Variants in ATP6V1B1 observed in about 807,000 individuals in gnomAD.
The protein encoded by ATP6V1B1 is V-type proton ATPase subunit B, kidney isoform.
Under a neutral mutation model 62.1 loss-of-function variants are expected in ATP6V1B1, and 41 were observed. The ratio of observed to expected loss-of-function variants is 0.66; its 90% CI spans 0.51 to 0.86. The LOEUF (loss-of-function observed/expected upper bound fraction) is 0.86. Among genes scored for constraint, ATP6V1B1 ranks in the 40% least tolerant of loss-of-function variants. The pLI is 0.00. For synonymous variants in ATP6V1B1, 253 were observed against 273.4 expected (o/e 0.93, Z 0.74); for missense variants, 651 against 697.5 (o/e 0.93, Z 0.75).
intron 2 of ATP6V1B1, among the ~76,000 whole-genome samples, chr2:70,954,263 A>G (rs1238776876): frequency 6.6e-6 from 1 of 152,196 alleles, no homozygotes; most frequent in African/African-American, 2.4e-5. Context: ...AATGCATCAC[A>G]CATATATTGA....
intron 1 of ATP6V1B1, 26 bp from the exon 2 acceptor site, chr2:70,943,632 C>T (rs782486064): frequency 1.9e-6 from 3 of 1,609,390 alleles, no homozygotes; most frequent in Non-Finnish European, 2.6e-6. Context: ...GGGTGAGACC[C>T]CTACTCACCC....
intron 2 of ATP6V1B1, among the ~76,000 whole-genome samples, chr2:70,945,293 G>A (rs369155012): frequency 1.8e-4 from 27 of 152,260 alleles, no homozygotes; most frequent in Non-Finnish European, 8.8e-5. Context: ...CACAGGTACC[G>A]TGGAAATGCT....
At chr2:70,956,076 A>C (rs1228012254) in intron 2 of ATP6V1B1, 1 of 210,328 alleles carries the variant, frequency 4.8e-6, no homozygotes, top group Non-Finnish European at 1.1e-5. Context: ...TTTTGTTCTC[A>C]GCAAACTGAT....
At chr2:70,944,851 C>T (rs6710208) in intron 2 of ATP6V1B1, among the ~76,000 whole-genome samples, 87,337 of 151,812 alleles carry the variant, frequency 0.58, 25,229 homozygotes, top group South Asian at 0.73. Context: ...TGTTTTTTAG[C>T]AGAGACGGGG....
In ATP6V1B1 at chr2:70,963,265, G is replaced by C. The variant is rs781939232; in HGVS notation, c.1013G>C (p.Arg338Pro). Residue 338 changes from arginine to proline, a missense_variant, in exon 10 of 14, where the codon CGG (arginine) becomes CCG (proline). Coordinates refer to ENST00000234396, the MANE Select transcript of ATP6V1B1 (RefSeq NM_001692.4). This position sits in a 1 kb window ranked among gnomAD's most constrained non-coding sequence, Gnocchi z 4.3. ...GAGCGGGCGGGCCGCGTGGAGGGTCGGGGAGGATCCATCACACAGATCCCC... is the reference window on the plus strand; with the variant it reads ...GAGCGGGCGGGCCGCGTGGAGGGTCCGGGAGGATCCATCACACAGATCCCC... ...IYERAGRVEGRGGSITQIPIL... is the reference protein window; with the variant it reads ...IYERAGRVEGPGGSITQIPIL... 3.1e-6 allele frequency: 5 copies of C among 1,613,616 alleles called. No individual in the cohort carries two copies. In the Admixed American group the frequency reaches 6.7e-5, roughly 22 times the overall value.
chr2:70,962,515 C>T (rs1411048195), intron 8 of ATP6V1B1, among the ~76,000 whole-genome samples: 1 of 152,206 alleles, frequency 6.6e-6, no homozygotes, highest in Non-Finnish European at 1.5e-5. Context: ...CCCTGCCTGG[C>T]TTTTCCCACC....
intron 2 of ATP6V1B1, 83 bp downstream of exon 2, chr2:70,943,796 T>C (rs1680073555): frequency 1.3e-6 from 2 of 1,561,682 alleles, no homozygotes; most frequent in Admixed American, 1.7e-5. Flanking sequence ...TCTTCTAAAT[T>C]ACCCTTTCCC....
chr2:70,943,615 G>T (rs782782094), intron 1 of ATP6V1B1, 43 bp from the exon 2 acceptor site: 28 of 1,595,358 alleles, frequency 1.8e-5, no homozygotes, highest in Non-Finnish European at 2.4e-5. Flanking sequence ...TGTGAGCAGG[G>T]TGTTTGGGGT....
rs531614845 is a variant in ATP6V1B1 at position 70,958,357 on chromosome 2, G to A, written c.298G>A (p.Asp100Asn). The A allele has an allele frequency of 3.0e-5, 48 of 1,613,844 alleles. No individual in the cohort carries two copies. In the East Asian group the frequency reaches 7.4e-4, roughly 25 times the overall value. The change falls in exon 4 of 14, where the codon GAT becomes AAT. Residue 100 changes from aspartate (D) to asparagine (N), a missense_variant. By Grantham distance (23) the Asp-to-Asn change is conservative. Transcript: ENST00000234396. Reference sequence around the variant, plus strand: ...GGTGTTTGAAGGGACATCAGGGATCGATGCCAGGAAGACCACTTGCGAATT... The same window carrying A: ...GGTGTTTGAAGGGACATCAGGGATCAATGCCAGGAAGACCACTTGCGAATT... ...VQVFEGTSGI[D>N]ARKTTCEFTG... is the part of the protein sequence containing the mutation.
At chr2:70,947,194 G>A (rs563385851) in intron 2 of ATP6V1B1, among the ~76,000 whole-genome samples, 17 of 152,270 alleles carry the variant, frequency 1.1e-4, no homozygotes, top group African/African-American at 4.1e-4. Context: ...GCATGAATGT[G>A]CCTGTGCATT....
Position 70,961,769 on chromosome 2 carries a change from C to T in ATP6V1B1, c.785+76C>T, listed in dbSNP as rs1680593898. On this transcript the variant is annotated intron_variant, in intron 8 of 13. Transcript: ENST00000234396. ...CCTTCCAAGACCTACAGTACCAGGG[C>T]TCCAGGGCATCCCAGAACTACAGCC... 18 of 1,390,932 alleles carry T rather than the reference C, an allele frequency of 1.3e-5. 1 individual carries two copies. In the South Asian group the frequency reaches 1.5e-4, roughly 12 times the overall value. The allele number at this position is 1,390,932 out of a possible 1,614,324, so 86.2% of individuals were successfully genotyped here.
intron 2 of ATP6V1B1, among the ~76,000 whole-genome samples, chr2:70,950,290 T>C (rs897082349): frequency 3.3e-5 from 5 of 152,176 alleles, no homozygotes; most frequent in African/African-American, 1.2e-4. Flanking sequence ...ATCTTTTTCA[T>C]AACTACTTTG....
chr2:70,960,344 C>A (rs1249104759), intron 6 of ATP6V1B1, among the ~76,000 whole-genome samples: 1 of 152,200 alleles, frequency 6.6e-6, no homozygotes, highest in Non-Finnish European at 1.5e-5. Context: ...GGGGAGCTCA[C>A]AGCCCCTACC....
intron 6 of ATP6V1B1, among the ~76,000 whole-genome samples, chr2:70,960,309 C>T (rs531075664): frequency 3.9e-5 from 6 of 152,322 alleles, no homozygotes; most frequent in Admixed American, 2.6e-4. Flanking sequence ...CCATGGGGAG[C>T]TCCCAGAGTA....
chr2:70,942,461 AAAG>A lies in ATP6V1B1; in HGVS notation c.119-1190_119-1188del, dbSNP rs199662512. On this transcript the variant is annotated intron_variant, in intron 1 of 13. Transcript: ENST00000234396. ...GGTGAAAAGAGCTTAGATCAAACAA[AAAG>A]AAGAAGCTTGACCACACATATCCAG... 2,221 of 398,628 alleles carry A rather than the reference AAAG, an allele frequency of 5.6e-3. 44 individuals are homozygous for A. The highest frequency in any genetic ancestry group is 0.05 in the Admixed American group (1,143 of 22,742). 24.7% of individuals were successfully genotyped at this position (398,628 alleles called of 1,614,324 possible).
chr2:70,945,723 T>G (rs1457728524), intron 2 of ATP6V1B1, among the ~76,000 whole-genome samples: 2 of 137,244 alleles, frequency 1.5e-5, no homozygotes, highest in African/African-American at 5.3e-5. Context: ...TATATATATA[T>G]ATATATATAT....
intron 1 of ATP6V1B1, chr2:70,942,361 G>A (rs1404725268): frequency 5.0e-6 from 2 of 398,686 alleles, no homozygotes. Context: ...CCAAATGGTT[G>A]TTACACTTGG....
intron 2 of ATP6V1B1, chr2:70,955,985 T>C (rs943098714): frequency 1.2e-5 from 2 of 171,356 alleles, no homozygotes; most frequent in Admixed American, 1.3e-4. Flanking sequence ...GAGCTGTTAC[T>C]GTAGTGAAAC....
chr2:70,946,000 C>T (rs1354105180), intron 2 of ATP6V1B1, among the ~76,000 whole-genome samples: 1 of 151,910 alleles, frequency 6.6e-6, no homozygotes. Flanking sequence ...CCTCCCTACC[C>T]TTCCCCACAC....
Sources: gnomAD v4.1 joint callset for allele counts (sites outside exome capture counted in the v4.1 genomes callset) on GRCh38, gnomAD v4.1.1 for gene constraint, Gnocchi (gnomAD v3.1) non-coding constraint, MANE v1.5 for transcripts, NCBI Gene and HGNC (gene_info 2026-07-23, HGNC 2026-07-21) for gene names.